Variants in FHIP1A observed in about 807,000 individuals in gnomAD.
FHIP1A encodes the protein FHF complex subunit HOOK interacting protein 1A, also known as FHF complex subunit HOOK-interacting protein 1A.
In FHIP1A, 61 loss-of-function variants were observed where a neutral mutation model predicts 88.6. That is an observed-to-expected ratio of 0.69 (90% CI 0.56 to 0.85). The LOEUF is 0.85. Among genes scored for constraint, FHIP1A ranks in the 40% least tolerant of loss-of-function variants. FHIP1A has a pLI of 0.00. For missense variants in FHIP1A, 1,154 were observed against 1,273.5 expected (o/e 0.91, Z 1.43); for synonymous variants, 478 against 496.0 (o/e 0.96, Z 0.48).
chr4:151,501,926 G>A (rs995475970), intron 3 of FHIP1A, among the ~76,000 whole-genome samples: 30 of 151,174 alleles, frequency 2.0e-4, no homozygotes, highest in African/African-American at 7.3e-4. Flanking sequence ...AAACAGAAAT[G>A]GACAGAAACT....
intron 7 of FHIP1A, among the ~76,000 whole-genome samples, chr4:151,624,455 G>A (rs1578832363): frequency 6.6e-6 from 1 of 152,118 alleles, no homozygotes; most frequent in East Asian, 1.9e-4. Context: ...GGAGATGAGC[G>A]GTGTTTCACT....
At chr4:151,562,537 G>A (rs555104265) in intron 3 of FHIP1A, among the ~76,000 whole-genome samples, 2 of 152,182 alleles carry the variant, frequency 1.3e-5, no homozygotes, top group South Asian at 4.2e-4. Context: ...CAATAAAAAT[G>A]TTCCTCTGGC....
chr4:151,621,100 A>G (rs1212970339), intron 7 of FHIP1A, among the ~76,000 whole-genome samples: 4 of 152,224 alleles, frequency 2.6e-5, no homozygotes, highest in African/African-American at 9.6e-5. Context: ...CAAGGAAAAC[A>G]GAGAAGGAGT....
At chr4:151,517,503 G>A (rs1731286741) in intron 3 of FHIP1A, among the ~76,000 whole-genome samples, 1 of 152,050 alleles carries the variant, frequency 6.6e-6, no homozygotes, top group African/African-American at 2.4e-5. Context: ...GCAGCAATAT[G>A]GCGACTTTGG....
intron 3 of FHIP1A, among the ~76,000 whole-genome samples, chr4:151,504,190 G>A (rs1362990964): frequency 6.6e-6 from 1 of 152,106 alleles, no homozygotes; most frequent in East Asian, 1.9e-4. Flanking sequence ...GCATCTCTCA[G>A]GGAAAATGTT....
chr4:151,584,337 T>C (rs1021556201), intron 5 of FHIP1A, among the ~76,000 whole-genome samples: 1 of 152,096 alleles, frequency 6.6e-6, no homozygotes, highest in Non-Finnish European at 1.5e-5. Context: ...CACTAATACA[T>C]GCAAGAAAGA....
At chr4:151,448,923 A>G (rs990912793) in intron 1 of FHIP1A, among the ~76,000 whole-genome samples, 1 of 152,154 alleles carries the variant, frequency 6.6e-6, no homozygotes, top group African/African-American at 2.4e-5. Context: ...ATTCCTTTCA[A>G]CAGTGCACAG....
At chr4:151,444,444 G>A (rs2126566650) in intron 1 of FHIP1A, among the ~76,000 whole-genome samples, 1 of 152,158 alleles carries the variant, frequency 6.6e-6, no homozygotes, top group East Asian at 1.9e-4. Flanking sequence ...CTACTATATA[G>A]CTTAAGAAAT....
Position 151,526,996 on chromosome 4 carries a change from T to C in FHIP1A, c.-122-39142T>C, listed in dbSNP as rs558004088. 3.6e-4 allele frequency among the ~76,000 whole-genome samples: 53 copies of C among 145,222 alleles called. No individual in the cohort carries two copies. The East Asian group carries it at 8.3e-3, about 23-fold the overall frequency. The stretch of plus-strand genomic sequence containing the variant: ...CTGGGAAGAGGTGCTCCTCACTTCC[T>C]AGATGGGATGGCGGCCGGGCAGAGA... On this transcript the variant is annotated intron_variant, in intron 3 of 13. Coordinates refer to ENST00000435205, the MANE Select transcript of FHIP1A (RefSeq NM_001109977.3).
rs1302945466 is a variant in FHIP1A at position 151,566,315 on chromosome 4, G to C, written c.56G>C (p.Gly19Ala). 2 of 1,550,988 alleles carry C rather than the reference G, an allele frequency of 1.3e-6. No individual in the cohort carries two copies. The highest frequency in any genetic ancestry group is 1.7e-4 in the Middle Eastern group (1 of 5,986). Residue 19 changes from glycine to alanine, a missense_variant, in exon 4 of 14, where the codon GGA becomes GCA. By Grantham distance (60) the Gly-to-Ala change is moderately conservative. Transcript: ENST00000435205. ...CTCCAGCAGGCTGTGAGCCTACAGGGAGTTGACCCAGAAACATGCATGATT... is the reference window on the plus strand; with the variant it reads ...CTCCAGCAGGCTGTGAGCCTACAGGCAGTTGACCCAGAAACATGCATGATT... ...SKLQQAVSLQ[G>A]VDPETCMIVF... is the part of the protein sequence containing the mutation.
intron 11 of FHIP1A, 149 bp downstream of exon 11, chr4:151,650,741 G>A: frequency 9.6e-7 from 1 of 1,041,600 alleles, no homozygotes; most frequent in South Asian, 2.0e-5. Flanking sequence ...AAGAGGGGTG[G>A]CTTTATTTTT....
chr4:151,526,170 C>T (rs1731625977), intron 3 of FHIP1A, among the ~76,000 whole-genome samples: 2 of 152,222 alleles, frequency 1.3e-5, no homozygotes, highest in Admixed American at 1.3e-4. Flanking sequence ...TCCACACAGA[C>T]ACGGCAACCA....
intron 4 of FHIP1A, among the ~76,000 whole-genome samples, chr4:151,569,515 G>A (rs984417489): frequency 2.0e-5 from 3 of 151,724 alleles, no homozygotes; most frequent in African/African-American, 7.3e-5. Context: ...TTGCGCCACT[G>A]CACTCCAGCC....
chr4:151,645,358 ATCTT>A (rs1736752339), intron 9 of FHIP1A, among the ~76,000 whole-genome samples: 1 of 152,122 alleles, frequency 6.6e-6, no homozygotes, highest in Non-Finnish European at 1.5e-5. Context: ...AGAGAATGGA[ATCTT>A]TCTTTCCTCT....
intron 3 of FHIP1A, among the ~76,000 whole-genome samples, chr4:151,555,919 A>G (rs1370666333): frequency 6.6e-6 from 1 of 152,188 alleles, no homozygotes; most frequent in African/African-American, 2.4e-5. Flanking sequence ...ATCATATAAA[A>G]TATTTAATTC....
chr4:151,655,486 G>A (rs994103516), intron 11 of FHIP1A, among the ~76,000 whole-genome samples: 1 of 152,032 alleles, frequency 6.6e-6, no homozygotes, highest in Non-Finnish European at 1.5e-5. Context: ...GTAGTCATAC[G>A]GATTTTATTT....
chr4:151,502,351 CAAACT>C (rs1335219446), intron 3 of FHIP1A, among the ~76,000 whole-genome samples: 8 of 133,128 alleles, frequency 6.0e-5, no homozygotes, highest in Non-Finnish European at 3.3e-5. Flanking sequence ...AACAAACAAA[CAAACT>C]AAAGGAAATC....
At position 151,600,393 on chromosome 4, in the gene FHIP1A, G is replaced by T. The variant is rs192067068; in HGVS notation, c.978+11467G>T. 1.2e-4 allele frequency among the ~76,000 whole-genome samples: 19 copies of T among 152,324 alleles called. No homozygotes were observed. The East Asian group carries it at 3.7e-3, about 29-fold the overall frequency. On this transcript the variant is annotated intron_variant, in intron 7 of 13. Coordinates refer to ENST00000435205, the MANE Select transcript of FHIP1A (RefSeq NM_001109977.3). ...TCAGAAGCAGAGAAGTCTAGAATAT[G>T]ATTATCAGCCCTAATGTTTGTCATA...
chr4:151,613,862 T>C (rs1014760757), intron 7 of FHIP1A, among the ~76,000 whole-genome samples: 2 of 152,108 alleles, frequency 1.3e-5, no homozygotes, highest in Non-Finnish European at 2.9e-5. Flanking sequence ...CCACAAGATA[T>C]TCTTAAAAAT....
Sources: allele counts gnomAD v4.1 joint callset (sites outside exome capture counted in the v4.1 genomes callset), GRCh38; gene constraint gnomAD v4.1.1; transcripts MANE v1.5; gene names NCBI Gene and HGNC (gene_info 2026-07-23, HGNC 2026-07-21).